Variants in ABAT observed in about 807,000 individuals in gnomAD.
ABAT encodes 4-aminobutyrate aminotransferase, mitochondrial.
ABAT carries 45 observed loss-of-function variants against 64.6 expected under a neutral mutation model. The observed-to-expected ratio is 0.70, with a 90% CI of 0.55 to 0.89. The LOEUF (loss-of-function observed/expected upper bound fraction) is 0.89. ABAT is among the 40% of genes least tolerant of loss of function. The pLI is 0.00. For missense variants in ABAT, 633 were observed against 658.4 expected (o/e 0.96, Z 0.42); for synonymous variants, 297 against 250.5 (o/e 1.19, Z -1.75).
At chr16:8,729,795 C>G (rs76051559) in intron 1 of ABAT, among the ~76,000 whole-genome samples, 78 of 142,538 alleles carry the variant, frequency 5.5e-4, no homozygotes, top group African/African-American at 2.0e-3. Flanking sequence ...CCACTGCTCT[C>G]TAGTCTTTCT....
intron 1 of ABAT, chr16:8,731,643 TTTAA>T (rs1350104333): frequency 3.3e-5 from 5 of 152,078 alleles, no homozygotes; most frequent in Admixed American, 3.3e-4. Flanking sequence ...TTTTTTTTTT[TTTAA>T]TTGTTATTTT....
At chr16:8,704,721 CCTGT>C (rs1296964517) in intron 1 of ABAT, among the ~76,000 whole-genome samples, 2 of 152,054 alleles carry the variant, frequency 1.3e-5, no homozygotes, top group Non-Finnish European at 2.9e-5. Flanking sequence ...AAATCACTTC[CCTGT>C]CTTTTTACAC....
intron 1 of ABAT, among the ~76,000 whole-genome samples, chr16:8,726,667 C>G (rs1274549276): frequency 2.0e-5 from 3 of 152,230 alleles, no homozygotes; most frequent in African/African-American, 7.2e-5. Flanking sequence ...GTGCAGATAT[C>G]TCTTCGATAT....
intron 12 of ABAT, 22 bp from the exon 13 acceptor site, chr16:8,774,868 C>A: frequency 6.2e-7 from 1 of 1,612,982 alleles, no homozygotes; most frequent in Non-Finnish European, 8.5e-7. Context: ...TTATTTCTCC[C>A]TCCTCTCTCT....
intron 2 of ABAT, among the ~76,000 whole-genome samples, chr16:8,741,008 G>A (rs189688457): frequency 3.0e-4 from 46 of 152,168 alleles, no homozygotes; most frequent in African/African-American, 4.1e-4. Context: ...TATCACTCTC[G>A]GTCTAAAGAT....
chr16:8,755,496 C>A (rs1261745779), intron 5 of ABAT, among the ~76,000 whole-genome samples: 1 of 152,196 alleles, frequency 6.6e-6, no homozygotes, highest in Admixed American at 6.5e-5. Context: ...CTGCTGAGTT[C>A]TTTTCTCAGA....
chr16:8,706,486 G>T (rs62032540), intron 1 of ABAT, among the ~76,000 whole-genome samples: 10,840 of 151,604 alleles, frequency 0.072, 538 homozygotes, highest in Middle Eastern at 0.2. Flanking sequence ...GGCTGAGGTG[G>T]GTGGATCACT....
rs1207440161 is a variant in ABAT at position 8,771,464 on chromosome 16, C to CTTTTTTTTT, written c.817-1313_817-1312insTTTTTTTTT. 1.5e-3 allele frequency among the ~76,000 whole-genome samples: 168 copies of CTTTTTTTTT among 108,392 alleles called. 7 individuals are homozygous for CTTTTTTTTT. The highest frequency in any genetic ancestry group is 0.011 in the Middle Eastern group (2 of 180). The allele number at this position is 108,392 out of a possible 152,430, so 71.1% of individuals were successfully genotyped here. A position where few individuals can be genotyped will look rare whatever the true frequency, so the allele number is the denominator to read the frequency against. On this transcript the variant is annotated intron_variant, in intron 11 of 15. Transcript: ENST00000268251. ...TCTAGGTGTACGGTTTAGGGTTTTT[C>CTTTTTTTTT]TTTCTTTTTTTTTTTTTTTTGAGAC...
At chr16:8,735,616 G>T (rs2058900493) in intron 1 of ABAT, 83 bp from the exon 2 acceptor site, 1 of 1,086,174 alleles carries the variant, frequency 9.2e-7, no homozygotes, top group African/African-American at 1.6e-5. Flanking sequence ...TCTCTATTAG[G>T]TGGGAAGTGG....
At chr16:8,742,316 T>C (rs1029163726) in intron 2 of ABAT, among the ~76,000 whole-genome samples, 1 of 152,194 alleles carries the variant, frequency 6.6e-6, no homozygotes. Flanking sequence ...CACACTCCGG[T>C]TCCCAAGAAA....
rs943516185 is a variant in ABAT, at chr16:8,757,750, C to A, written c.317-7C>A. On this transcript the variant is annotated splice_polypyrimidine_tract_variant and splice_region_variant and intron_variant, in intron 5 of 15. Coordinates refer to ENST00000268251, the MANE Select transcript of ABAT (RefSeq NM_020686.6). ...TGAGGTCTCTAACAATACTCTCCTG[C>A]CCTCAGGTTACAGCCACCCCGCCCT... 1.2e-6 allele frequency: 2 copies of A among 1,613,908 alleles called. No homozygotes were observed. The highest frequency in any genetic ancestry group is 1.7e-6 in the Non-Finnish European group (2 of 1,179,860).
chr16:8,714,116 C>T (rs546390907), intron 1 of ABAT, among the ~76,000 whole-genome samples: 1 of 152,080 alleles, frequency 6.6e-6, no homozygotes, highest in Non-Finnish European at 1.5e-5. Flanking sequence ...CAGGAGGAGA[C>T]CCTTTAAAGT....
chr16:8,749,385 CCTTTTTTTT>C, intron 4 of ABAT, among the ~76,000 whole-genome samples: 1 of 46,466 alleles, frequency 2.2e-5, no homozygotes, highest in Non-Finnish European at 6.0e-5. Flanking sequence ...CCGCACCCGG[CCTTTTTTTT>C]TTTTTTTTTT....
At chr16:8,743,997 C>G (rs1484915034) in intron 2 of ABAT, among the ~76,000 whole-genome samples, 2 of 152,120 alleles carry the variant, frequency 1.3e-5, no homozygotes, top group Non-Finnish European at 2.9e-5. Flanking sequence ...TGGGCTTGAG[C>G]TACCCTTTGT....
chr16:8,697,028 G>A (rs1266204440), intron 1 of ABAT, among the ~76,000 whole-genome samples: 1 of 152,154 alleles, frequency 6.6e-6, no homozygotes, highest in Non-Finnish European at 1.5e-5. Flanking sequence ...GCGTGCTGGC[G>A]GAGAGGGACC....
intron 2 of ABAT, among the ~76,000 whole-genome samples, chr16:8,744,585 C>G (rs181532343): frequency 4.1e-4 from 62 of 152,042 alleles, no homozygotes; most frequent in African/African-American, 1.3e-3. Flanking sequence ...CCAGGCTGGT[C>G]TTGAACTCCT....
intron 1 of ABAT, among the ~76,000 whole-genome samples, chr16:8,711,028 A>C (rs568903854): frequency 6.6e-6 from 1 of 152,336 alleles, no homozygotes; most frequent in East Asian, 1.9e-4. Flanking sequence ...AGTTTATTTT[A>C]ACCAGTTCCC....
intron 15 of ABAT, among the ~76,000 whole-genome samples, chr16:8,780,059 C>T (rs938136285): frequency 2.0e-5 from 3 of 152,130 alleles, no homozygotes; most frequent in African/African-American, 7.2e-5. Flanking sequence ...TCTTGACAAA[C>T]AGGGATTGGC....
At chr16:8,709,337 ATG>A (rs1424371547) in intron 1 of ABAT, among the ~76,000 whole-genome samples, 1 of 151,522 alleles carries the variant, frequency 6.6e-6, no homozygotes, top group Non-Finnish European at 1.5e-5. Context: ...TAATTGGCAC[ATG>A]TGACTCACAT....
Sources: allele counts gnomAD v4.1 joint callset (sites outside exome capture counted in the v4.1 genomes callset), GRCh38; gene constraint gnomAD v4.1.1; transcripts MANE v1.5; gene names NCBI Gene and HGNC (gene_info 2026-07-23, HGNC 2026-07-21).